The following RBMS3 variants were observed in gnomAD, a reference collection of about 807,000 sequenced individuals.
RBMS3 encodes RNA-binding motif, single-stranded-interacting protein 3.
A neutral mutation model predicts 66.8 loss-of-function variants in RBMS3; 27 were observed. The ratio of observed to expected loss-of-function variants is 0.40; its 90% CI spans 0.30 to 0.56. RBMS3 has a LOEUF of 0.56. RBMS3 is among the 20% of genes least tolerant of loss of function. The pLI, the probability that RBMS3 is intolerant of heterozygous loss-of-function variation, is 0.40. For missense variants in RBMS3, 513 were observed against 549.5 expected, an observed-to-expected ratio of 0.93 and a Z score of 0.66; for synonymous variants, 188 against 183.0, an observed-to-expected ratio of 1.03 and a Z score of -0.22.
At chr3:29,608,178 T>G (rs1416040681) in intron 4 of RBMS3, among the ~76,000 whole-genome samples, 1 of 151,898 alleles carries the variant, frequency 6.6e-6, no homozygotes, top group Non-Finnish European at 1.5e-5. Flanking sequence ...ATTTCACCTA[T>G]ATATATTTTA....
rs1433728443 is a variant in RBMS3 at position 29,552,006 on chromosome 3, C to T, written c.308-35108C>T. On this transcript the variant is annotated intron_variant, in intron 3 of 14. Transcript: ENST00000383767. The stretch of plus-strand genomic sequence containing the variant: ...TAAAAATTGTTCTAACTCACAAATG[C>T]TTAAAAAAAAAGAAACACTGCATGA... Among the ~76,000 whole-genome samples the T allele has an allele frequency of 6.7e-5, 7 of 103,838 alleles. No homozygotes were observed. The South Asian group carries it at 7.6e-4, about 11-fold the overall frequency. 68.1% of individuals were successfully genotyped at this position (103,838 alleles called of 152,430 possible). A position where few individuals can be genotyped will look rare whatever the true frequency, so the allele number is the denominator to read the frequency against.
At chr3:29,453,104 C>A (rs1281538081) in intron 2 of RBMS3, among the ~76,000 whole-genome samples, 1 of 152,176 alleles carries the variant, frequency 6.6e-6, no homozygotes, top group African/African-American at 2.4e-5. Flanking sequence ...GCTTCCCTTG[C>A]TTGCTAAGAC....
chr3:29,981,733 T>C (rs2149783777), intron 12 of RBMS3, among the ~76,000 whole-genome samples: 1 of 152,204 alleles, frequency 6.6e-6, no homozygotes, highest in East Asian at 1.9e-4. Context: ...ACTACATTTA[T>C]TGATTTCTAT....
chr3:29,953,841 C>A (rs551063213), intron 12 of RBMS3, among the ~76,000 whole-genome samples: 2 of 151,896 alleles, frequency 1.3e-5, no homozygotes, highest in East Asian at 1.9e-4. Context: ...CCCATTTATG[C>A]TAAAAAATGA....
At chr3:29,731,000 C>A in intron 4 of RBMS3, 1 of 985,352 alleles carries the variant, frequency 1.0e-6, no homozygotes, top group Non-Finnish European at 1.2e-6. Flanking sequence ...CCACCTGTTC[C>A]AGGACCAAAG....
chr3:29,730,571 A>T (rs932196127), intron 4 of RBMS3, among the ~76,000 whole-genome samples: 1 of 152,170 alleles, frequency 6.6e-6, no homozygotes, highest in East Asian at 1.9e-4. Flanking sequence ...GGCTGTCTTC[A>T]TGTCATTTCC....
chr3:29,553,263 TG>T lies in RBMS3; in HGVS notation c.308-33848del, dbSNP rs777371747. Reference sequence around the variant, plus strand: ...AATACTGTTTTAAGGTCAAGTTTCCTGGGAAACAGGCTACGAGGCAGAGATT... The same window carrying T: ...AATACTGTTTTAAGGTCAAGTTTCCTGGAAACAGGCTACGAGGCAGAGATT... On this transcript the variant is annotated intron_variant, in intron 3 of 14. Coordinates refer to ENST00000383767, the MANE Select transcript of RBMS3 (RefSeq NM_001003793.3). 2.0e-5 allele frequency among the ~76,000 whole-genome samples: 3 copies of T among 152,336 alleles called. No individual in the cohort carries two copies. The South Asian group carries it at 6.2e-4, about 32-fold the overall frequency.
At chr3:29,940,102 A>G (rs946299836) in intron 11 of RBMS3, among the ~76,000 whole-genome samples, 3 of 151,806 alleles carry the variant, frequency 2.0e-5, no homozygotes, top group Non-Finnish European at 2.9e-5. Flanking sequence ...TTCAAGTCCC[A>G]CTGATTTTCT....
chr3:29,802,663 T>C (rs548885531), intron 6 of RBMS3, among the ~76,000 whole-genome samples: 31 of 152,340 alleles, frequency 2.0e-4, no homozygotes, highest in South Asian at 4.1e-4. Flanking sequence ...TATAACATGC[T>C]ACTTATTTTA....
intron 3 of RBMS3, among the ~76,000 whole-genome samples, chr3:29,527,489 G>A (rs1212730507): frequency 1.3e-5 from 2 of 152,132 alleles, no homozygotes; most frequent in Non-Finnish European, 2.9e-5. Flanking sequence ...TCCATAACCA[G>A]GGGCTCAGTA....
At chr3:29,910,339 C>A (rs2060485548) in intron 10 of RBMS3, among the ~76,000 whole-genome samples, 1 of 151,954 alleles carries the variant, frequency 6.6e-6, no homozygotes, top group Non-Finnish European at 1.5e-5. Context: ...ACAGATAGAC[C>A]ATGGAACTAT....
intron 7 of RBMS3, among the ~76,000 whole-genome samples, chr3:29,874,249 C>T (rs1463387829): frequency 6.6e-6 from 1 of 152,114 alleles, no homozygotes; most frequent in Non-Finnish European, 1.5e-5. Flanking sequence ...GGAAACTTGA[C>T]ATTTCAGAGA....
chr3:29,375,890 C>A (rs2038437937), intron 1 of RBMS3, among the ~76,000 whole-genome samples: 1 of 152,290 alleles, frequency 6.6e-6, no homozygotes, highest in Non-Finnish European at 1.5e-5. Flanking sequence ...TATAAAGATA[C>A]ATGCACGTGC....
intron 10 of RBMS3, among the ~76,000 whole-genome samples, chr3:29,905,796 G>A (rs1001765866): frequency 1.3e-5 from 2 of 152,060 alleles, no homozygotes; most frequent in Admixed American, 6.6e-5. Context: ...AAGAAAGATC[G>A]TGAATTTGTG....
chr3:29,527,313 A>G (rs889078174), intron 3 of RBMS3, among the ~76,000 whole-genome samples: 2 of 152,062 alleles, frequency 1.3e-5, no homozygotes, highest in African/African-American at 4.8e-5. Flanking sequence ...TACATTCACT[A>G]CCTAATGCCA....
intron 6 of RBMS3, among the ~76,000 whole-genome samples, chr3:29,770,732 TG>T (rs1311924621): frequency 1.3e-5 from 2 of 152,030 alleles, no homozygotes; most frequent in Non-Finnish European, 2.9e-5. Context: ...GCATCACTAA[TG>T]AGTAGCTAAA....
chr3:29,726,256 C>T (rs143471051), intron 4 of RBMS3, among the ~76,000 whole-genome samples: 4,240 of 152,044 alleles, frequency 0.028, 82 homozygotes, highest in Admixed American at 0.062. Flanking sequence ...AATATCATAC[C>T]GAATGGGCAA....
intron 4 of RBMS3, among the ~76,000 whole-genome samples, chr3:29,587,414 A>G (rs996626001): frequency 2.0e-5 from 3 of 151,764 alleles, no homozygotes; most frequent in Admixed American, 2.0e-4. Flanking sequence ...GAAACTCCAC[A>G]TTAGGTTTGG....
chr3:29,551,935 C>G (rs35893), intron 3 of RBMS3, among the ~76,000 whole-genome samples: 1 of 151,628 alleles, frequency 6.6e-6, no homozygotes, highest in African/African-American at 2.4e-5. Flanking sequence ...CCTGCTGAAC[C>G]TAATGTTAGT....
Sources: gnomAD v4.1 joint callset for allele counts (sites outside exome capture counted in the v4.1 genomes callset) on GRCh38, gnomAD v4.1.1 for gene constraint, MANE v1.5 for transcripts, NCBI Gene and HGNC (gene_info 2026-07-23, HGNC 2026-07-21) for gene names.